Variants in SLC61A1 observed in about 807,000 individuals in gnomAD.
The protein encoded by SLC61A1 is solute carrier family 61 member 1, also known as major facilitator superfamily domain containing 5.
chr12:53,251,608 C>T, the SLC61A1 span: 1 of 1,026,224 alleles, frequency 9.7e-7, no homozygotes, highest in Non-Finnish European at 1.4e-6. Context: ...TGCGGCTTGC[C>T]CAAGGCCACA....
the SLC61A1 span, chr12:53,254,118 C>T: frequency 6.8e-6 from 11 of 1,614,190 alleles, no homozygotes; most frequent in Non-Finnish European, 9.3e-6. Flanking sequence ...GGACTCTTCA[C>T]CGTGGTAAGG....
the SLC61A1 span, chr12:53,252,830 C>A: frequency 6.2e-7 from 1 of 1,613,370 alleles, no homozygotes; most frequent in African/African-American, 1.3e-5. Context: ...CGTCCGGGGG[C>A]CCACCATGCT....
At chr12:53,252,772 C>G in the SLC61A1 span, 3 of 1,586,612 alleles carry the variant, frequency 1.9e-6, no homozygotes, top group South Asian at 3.4e-5. Flanking sequence ...CTTGACCGTG[C>G]TGCCCGAAGG....
At chr12:53,253,967 C>T in the SLC61A1 span, 3 of 1,614,204 alleles carry the variant, frequency 1.9e-6, no homozygotes, top group South Asian at 2.2e-5. Context: ...GGCTGGTGTA[C>T]TCAACTGGTT....
chr12:53,251,775 C>T, the SLC61A1 span: 1 of 1,537,220 alleles, frequency 6.5e-7, no homozygotes, highest in African/African-American at 1.4e-5. Flanking sequence ...CCAAGGAGAC[C>T]TTCTCGGCTT....
At chr12:53,252,943 C>A in the SLC61A1 span, 1 of 1,614,228 alleles carries the variant, frequency 6.2e-7, no homozygotes, top group South Asian at 1.1e-5. Context: ...GCAGCAATCC[C>A]TCCTTCCTTC....
chr12:53,252,009 C>G, the SLC61A1 span: 1 of 1,533,940 alleles, frequency 6.5e-7, no homozygotes, highest in East Asian at 2.4e-5. Context: ...CCCGACCCAC[C>G]CCAGGCGTCA....
At chr12:53,253,734 G>T in the SLC61A1 span, 1 of 1,613,884 alleles carries the variant, frequency 6.2e-7, no homozygotes, top group South Asian at 1.1e-5. Flanking sequence ...TCCCTGTACC[G>T]TATCGCCACC....
At chr12:53,253,842 G>A in the SLC61A1 span, 3 of 1,614,168 alleles carry the variant, frequency 1.9e-6, no homozygotes, top group Non-Finnish European at 2.5e-6. Flanking sequence ...ACCAGCCCAG[G>A]CCAGGAGAGT....
the SLC61A1 span, chr12:53,252,828 G>A: frequency 5.6e-6 from 9 of 1,613,344 alleles, no homozygotes; most frequent in African/African-American, 1.3e-5. Context: ...GTCGTCCGGG[G>A]GCCCACCATG....
the SLC61A1 span, chr12:53,253,685 A>G: frequency 1.2e-6 from 2 of 1,613,962 alleles, no homozygotes; most frequent in Non-Finnish European, 1.7e-6. Flanking sequence ...TCTGGGCATT[A>G]TCTTCTCCAG....
chr12:53,254,264 C>T, the SLC61A1 span: 1 of 1,514,716 alleles, frequency 6.6e-7, no homozygotes, highest in South Asian at 1.3e-5. Flanking sequence ...CTCTCTGTGA[C>T]TGACTTTGTG....
chr12:53,252,687 C>T, the SLC61A1 span: 3 of 1,251,634 alleles, frequency 2.4e-6, no homozygotes, highest in African/African-American at 1.5e-5. Flanking sequence ...CCCAACTGGT[C>T]CCTCCGGTCT....
the SLC61A1 span, chr12:53,252,257 C>G: frequency 1.9e-5 from 27 of 1,402,684 alleles, no homozygotes; most frequent in Non-Finnish European, 2.4e-5. Flanking sequence ...TCCCCGCAGA[C>G]CGGGGCAGCA....
the SLC61A1 span, chr12:53,251,666 C>T: frequency 6.2e-6 from 9 of 1,444,910 alleles, no homozygotes; most frequent in Non-Finnish European, 8.3e-6. Flanking sequence ...CTGTCTGCAG[C>T]CCGACTCCAA....
chr12:53,253,138 G>A, the SLC61A1 span: 13 of 1,614,114 alleles, frequency 8.1e-6, no homozygotes, highest in Non-Finnish European at 1.1e-5. Context: ...TTGTGGATTG[G>A]CTGGGTCGCA....
At chr12:53,253,440 C>T in the SLC61A1 span, 9 of 1,614,094 alleles carry the variant, frequency 5.6e-6, no homozygotes, top group African/African-American at 9.3e-5. Context: ...GGGCCTGTAG[C>T]GCCCTTTGTG....
the SLC61A1 span, chr12:53,251,702 C>T: frequency 8.7e-4 from 1,319 of 1,512,650 alleles, 11 homozygotes; most frequent in African/African-American, 0.017. Context: ...CCGCCTCCCT[C>T]AGGTGTCTGG....
the SLC61A1 span, chr12:53,252,544 G>A: frequency 2.2e-6 from 3 of 1,379,298 alleles, no homozygotes; most frequent in South Asian, 3.4e-5. Flanking sequence ...TGCGGGAGCG[G>A]GATTATTGAA....
Sources: gnomAD v4.1 joint callset for allele counts on GRCh38, gnomAD v4.1.1 for gene constraint, MANE v1.5 for transcripts, NCBI Gene and HGNC (gene_info 2026-07-23, HGNC 2026-07-21) for gene names.